Variants in VPS13C observed in about 807,000 individuals in gnomAD.
The protein encoded by VPS13C is intermembrane lipid transfer protein VPS13C.
Under a neutral mutation model 456.8 loss-of-function variants are expected in VPS13C, and 358 were observed. The observed-to-expected ratio is 0.78, with a 90% confidence interval of 0.72 to 0.86. The LOEUF is 0.86. Among genes scored for constraint, VPS13C ranks in the 40% least tolerant of loss-of-function variants. The pLI, the probability that VPS13C is intolerant of heterozygous loss-of-function variation, is 0.00. For missense variants in VPS13C, 4,818 were observed against 4,385.4 expected, an observed-to-expected ratio of 1.10 and a Z score of -2.79; for synonymous variants, 1,578 against 1,486.7, an observed-to-expected ratio of 1.06 and a Z score of -1.41.
chr15:61,977,069 G>T lies in VPS13C; in HGVS notation c.2408+13C>A, dbSNP rs543326737. The stretch of plus-strand genomic sequence containing the variant: ...CTGTTGATTTTCTAATATAAAAGAA[G>T]TTTATACATTACCTGGCCATTCTAA... On this transcript the variant is annotated intron_variant, in intron 24 of 84. Coordinates refer to ENST00000644861, the MANE Select transcript of VPS13C (RefSeq NM_020821.3). 6.5e-7 allele frequency: 1 copy of T among 1,543,292 alleles called. No individual in the cohort carries two copies. Among genetic ancestry groups the T allele is most frequent in the African/African-American group, 1.4e-5 (1 of 72,474 alleles).
chr15:61,929,692 T>C lies in VPS13C; in HGVS notation c.6095A>G (p.Tyr2032Cys), dbSNP rs755671618. The change falls in exon 51 of 85, where the codon TAC (tyrosine) becomes TGC (cysteine). Residue 2032 changes from tyrosine to cysteine, a missense_variant. Tyr to Cys is a radical substitution (Grantham distance 194, BLOSUM62 -2). Coordinates refer to ENST00000644861, the MANE Select transcript of VPS13C (RefSeq NM_020821.3). Reference sequence around the variant, plus strand: ...TTGACTTCCATTTTTGTCTTGTTTGTAACTTATATCAATCATAGAACTGTT... The same window carrying C: ...TTGACTTCCATTTTTGTCTTGTTTGCAACTTATATCAATCATAGAACTGTT... ...DNNSSMIDISYKQDKNGSQID... is the reference protein window; with the variant it reads ...DNNSSMIDISCKQDKNGSQID... The C allele has an allele frequency of 6.2e-7, 1 of 1,614,002 alleles. No homozygotes were observed. The highest frequency in any genetic ancestry group is 8.5e-7 in the Non-Finnish European group (1 of 1,179,918).
chr15:61,856,412 AT>A lies in VPS13C; in HGVS notation c.10953-4del. 6.2e-7 allele frequency: 1 copy of A among 1,608,932 alleles called. No individual in the cohort carries two copies. Among genetic ancestry groups the A allele is most frequent in the South Asian group, 1.1e-5 (1 of 89,620 alleles). On this transcript the variant is annotated splice_region_variant and splice_polypyrimidine_tract_variant and intron_variant, in intron 82 of 84. Coordinates refer to ENST00000644861, the MANE Select transcript of VPS13C (RefSeq NM_020821.3). ...CTTCCTTTATACACAACACTCGCCTATTTTGCAAAAGAAAACAAAAACTTAC... is the reference window on the plus strand; with the variant it reads ...CTTCCTTTATACACAACACTCGCCTATTTGCAAAAGAAAACAAAAACTTAC...
Position 62,060,375 on chromosome 15 carries a change from G to A in VPS13C, c.-1C>T, listed in dbSNP as rs2048964321. ...CCGCGACCACCGACTCCAGCACCAT[G>A]GTGGCGCTGAGGCACAAGGAGAGGG... On this transcript the variant is annotated 5_prime_UTR_variant, in exon 1 of 85. Coordinates refer to ENST00000644861, the MANE Select transcript of VPS13C (RefSeq NM_020821.3). 6.4e-7 allele frequency: 1 copy of A among 1,561,658 alleles called. No individual in the cohort carries two copies. Among genetic ancestry groups the A allele is most frequent in the Admixed American group, 1.8e-5 (1 of 56,924 alleles).
chr15:61,907,470 T>C, intron 65 of VPS13C, 80 bp from the exon 66 acceptor site: 1 of 1,532,250 alleles, frequency 6.5e-7, no homozygotes, highest in South Asian at 1.3e-5. Context: ...GAGGAAGGGA[T>C]TAGCACAGAA....
chr15:61,954,293 C>T (rs2044906243), intron 38 of VPS13C, 128 bp downstream of exon 38: 6 of 987,168 alleles, frequency 6.1e-6, no homozygotes, highest in African/African-American at 1.7e-5. Context: ...TAAAACATCA[C>T]TGCTACATGT....
intron 29 of VPS13C, among the ~76,000 whole-genome samples, chr15:61,967,071 C>T (rs1057353669): frequency 6.6e-6 from 1 of 151,848 alleles, no homozygotes; most frequent in African/African-American, 2.4e-5. Flanking sequence ...CCAAATGTCA[C>T]CTATATATGA....
rs1894024923 is a variant in VPS13C at position 61,858,190 on chromosome 15, TAG to T, written c.10953-1783_10953-1782del. ...ATAATACTACCGTTCTCCTTCCACCTAGAATGTCTCCTTCATTTTCTTCCTCT... is the reference window on the plus strand; with the variant it reads ...ATAATACTACCGTTCTCCTTCCACCTAATGTCTCCTTCATTTTCTTCCTCT... On this transcript the variant is annotated intron_variant, in intron 82 of 84. Coordinates refer to ENST00000644861, the MANE Select transcript of VPS13C (RefSeq NM_020821.3). This position sits in a 1 kb window ranked among gnomAD's most constrained non-coding sequence, Gnocchi z 4.4. Among the ~76,000 whole-genome samples, 1 of 152,166 alleles carries T rather than the reference TAG, an allele frequency of 6.6e-6. No homozygotes were observed. Among genetic ancestry groups the T allele is most frequent in the Non-Finnish European group, 1.5e-5 (1 of 68,040 alleles).
chr15:61,987,666 G>C (rs1281258323), intron 18 of VPS13C, among the ~76,000 whole-genome samples: 4 of 152,088 alleles, frequency 2.6e-5, no homozygotes, highest in African/African-American at 9.7e-5. Context: ...TTAGTCATTA[G>C]GAAAATGCAA....
Position 62,012,100 on chromosome 15 carries a change from T to A in VPS13C, c.883+7A>T, listed in dbSNP as rs765283102. On this transcript the variant is annotated splice_region_variant and intron_variant, in intron 12 of 84. Transcript: ENST00000644861. The stretch of plus-strand genomic sequence containing the variant: ...ATAACATGAAATAAACTTTTACTAT[T>A]ACTTACTGTATTGATAATTTGGGGG... 1.6e-5 allele frequency: 24 copies of A among 1,458,562 alleles called. No homozygotes were observed. The South Asian group carries it at 2.8e-4, about 17-fold the overall frequency. 90.4% of individuals were successfully genotyped at this position (1,458,562 alleles called of 1,614,324 possible). A position where few individuals can be genotyped will look rare whatever the true frequency, so the allele number is the denominator to read the frequency against.
intron 16 of VPS13C, among the ~76,000 whole-genome samples, chr15:61,996,894 C>CATAT (rs1480729813): frequency 0.017 from 2,482 of 143,690 alleles, 36 homozygotes; most frequent in East Asian, 0.064. Context: ...CACACACACA[C>CATAT]ACATATATAT....
rs1893706115 is a variant in VPS13C, at chr15:61,852,609, T to A, written c.*1848A>T. The stretch of plus-strand genomic sequence containing the variant: ...ACAGCTGTGATTCATATGAAAAATA[T>A]AATCAGATATCTCAAATTCCTAATT... On this transcript the variant is annotated 3_prime_UTR_variant, in exon 85 of 85. Transcript: ENST00000644861. The A allele has an allele frequency of 6.6e-6, 1 of 152,184 alleles. No individual in the cohort carries two copies. The allele number at this position is 152,184 out of a possible 1,614,324, so 9.4% of individuals were successfully genotyped here. A position where few individuals can be genotyped will look rare whatever the true frequency, so the allele number is the denominator to read the frequency against.
chr15:62,010,145 G>A (rs1002155074), intron 13 of VPS13C, among the ~76,000 whole-genome samples: 3 of 151,108 alleles, frequency 2.0e-5, no homozygotes, highest in East Asian at 1.9e-4. Context: ...ACCTGAGATC[G>A]CACCACTGCA....
chr15:61,875,905 G>C lies in VPS13C; in HGVS notation c.10225-60C>G, dbSNP rs1046862928. 2.6e-6 allele frequency: 3 copies of C among 1,154,982 alleles called. No homozygotes were observed. The South Asian group carries it at 4.8e-5, about 19-fold the overall frequency. The allele number at this position is 1,154,982 out of a possible 1,614,324, so 71.5% of individuals were successfully genotyped here. Reference sequence around the variant, plus strand: ...CAACTATTGTAAGAAACATCATAATGAAATAGAAAAAAAGAGATTTACTGA... The same window carrying C: ...CAACTATTGTAAGAAACATCATAATCAAATAGAAAAAAAGAGATTTACTGA... On this transcript the variant is annotated intron_variant, in intron 75 of 84. Coordinates refer to ENST00000644861, the MANE Select transcript of VPS13C (RefSeq NM_020821.3).
chr15:61,899,703 T>A (rs1000186226), intron 66 of VPS13C, among the ~76,000 whole-genome samples: 4 of 151,014 alleles, frequency 2.6e-5, no homozygotes, highest in Admixed American at 6.6e-5. Flanking sequence ...ACTGGTACCA[T>A]TCCTTCTGAA....
In VPS13C at chr15:61,949,517, T is replaced by C; in HGVS notation, c.4685A>G (p.Glu1562Gly). The C allele has an allele frequency of 6.2e-7, 1 of 1,613,808 alleles. No individual in the cohort carries two copies. Among genetic ancestry groups the C allele is most frequent in the South Asian group, 1.1e-5 (1 of 91,008 alleles). ...DFLSSAAPFSEPSSSEKESEL... is the reference protein window; with the variant it reads ...DFLSSAAPFSGPSSSEKESEL... ...GGATTCCTTCTCAGAAGAGGAAGGC[T>C]CAGAGAATGGAGCAGCAGATGATAA... The change falls in exon 42 of 85, where the codon GAG (glutamate) becomes GGG (glycine). Residue 1562 changes from glutamate to glycine, a missense_variant. Physicochemically the swap from Glu to Gly is moderately conservative, Grantham distance 98 (BLOSUM62 -2). Transcript: ENST00000644861.
chr15:62,027,061 A>AT (rs2047664943), intron 6 of VPS13C, among the ~76,000 whole-genome samples: 1 of 150,990 alleles, frequency 6.6e-6, no homozygotes, highest in South Asian at 2.1e-4. Context: ...CTGCTTTAGA[A>AT]TAAAAAAAAG....
chr15:61,913,925 T>C (rs2043381174), intron 61 of VPS13C, among the ~76,000 whole-genome samples: 4 of 152,014 alleles, frequency 2.6e-5, no homozygotes. Flanking sequence ...ATACGAAAAA[T>C]TATGATACAA....
At chr15:61,909,429 G>C (rs528928750) in intron 64 of VPS13C, among the ~76,000 whole-genome samples, 2 of 152,136 alleles carry the variant, frequency 1.3e-5, no homozygotes, top group Non-Finnish European at 2.9e-5. Context: ...GGCTGGTCTC[G>C]AACTCCTGAC....
chr15:61,881,495 A>G (rs544586212), intron 71 of VPS13C, 68 bp downstream of exon 71: 1 of 1,451,626 alleles, frequency 6.9e-7, no homozygotes, highest in East Asian at 2.3e-5. Context: ...CAAAAAGAGT[A>G]AGATTTATTT....
Sources: allele counts gnomAD v4.1 joint callset (sites outside exome capture counted in the v4.1 genomes callset), GRCh38; gene constraint gnomAD v4.1.1; non-coding constraint Gnocchi (gnomAD v3.1); transcripts MANE v1.5; gene names NCBI Gene and HGNC (gene_info 2026-07-23, HGNC 2026-07-21).